POM121: variants seen among roughly 807,000 people sequenced by gnomAD.
The protein encoded by POM121 is POM121 transmembrane nucleoporin.
A neutral mutation model predicts 81.3 loss-of-function variants in POM121; 32 were observed. That is an observed-to-expected ratio of 0.39 (90% CI 0.30 to 0.53). The LOEUF is 0.53. Ranked by LOEUF, POM121 falls within the 20% of genes least tolerant of loss-of-function variation. The pLI is 0.66. For missense variants in POM121, 1,138 were observed against 1,614.6 expected, an observed-to-expected ratio of 0.70 and a Z score of 5.06; for synonymous variants, 514 against 694.2, an observed-to-expected ratio of 0.74 and a Z score of 4.08.
downstream of POM121, chr7:72,948,860 C>T: frequency 6.3e-7 from 1 of 1,591,488 alleles, no homozygotes; most frequent in South Asian, 1.1e-5. Flanking sequence ...CACCCCATCC[C>T]CCCCTCCACG....
chr7:72,950,212 C>A, downstream of POM121: 4 of 1,608,692 alleles, frequency 2.5e-6, no homozygotes, highest in Middle Eastern at 1.8e-4. Context: ...AGGGAAGAAC[C>A]ATTCATTCAT....
downstream of POM121, chr7:72,948,711 C>G: frequency 6.4e-7 from 1 of 1,568,684 alleles, no homozygotes; most frequent in Non-Finnish European, 8.8e-7. Flanking sequence ...AAGAAGCCAC[C>G]GCTAAGCGTG....
chr7:72,933,685 T>G (rs1796241357), intron 5 of POM121, among the ~76,000 whole-genome samples: 1 of 152,204 alleles, frequency 6.6e-6, no homozygotes, highest in African/African-American at 2.4e-5. Context: ...AAGAGATACA[T>G]GCACCCTTTG....
chr7:72,892,545 T>C (rs1554491053), intron 3 of POM121, among the ~76,000 whole-genome samples: 2 of 152,228 alleles, frequency 1.3e-5, no homozygotes, highest in African/African-American at 4.8e-5. Context: ...AGTGGATCCA[T>C]CTTCCATTCA....
chr7:72,921,016 A>G (rs1429399596), upstream of POM121, among the ~76,000 whole-genome samples: 5 of 152,072 alleles, frequency 3.3e-5, no homozygotes, highest in Non-Finnish European at 7.4e-5. Context: ...CCCAGTCTCT[A>G]CTAAAAATAC....
intron 1 of POM121, among the ~76,000 whole-genome samples, chr7:72,887,835 AAAAAACAAAAAC>A (rs1467037916): frequency 6.6e-6 from 1 of 152,206 alleles, no homozygotes; most frequent in South Asian, 2.1e-4. Flanking sequence ...CTCAAAAAAC[AAAAAACAAAAAC>A]AAAAACAAAA....
At chr7:72,907,399 A>G (rs1263956901) in intron 3 of POM121, among the ~76,000 whole-genome samples, 1 of 152,174 alleles carries the variant, frequency 6.6e-6, no homozygotes, top group African/African-American at 2.4e-5. Context: ...TTTTAAACTC[A>G]AGAAATTATA....
At position 72,943,156 on chromosome 7, in the gene POM121, C is replaced by A. The variant is rs782371304; in HGVS notation, c.3163C>A (p.Pro1055Thr). ...SAFGAPASSQ[P>T]AFGGSTAVFF... is the part of the protein sequence containing the mutation. ...CTTCGGCGCTCCCGCCAGCTCACAGCCCGCCTTTGGCGGCTCCACTGCTGT... is the reference window on the plus strand; with the variant it reads ...CTTCGGCGCTCCCGCCAGCTCACAGACCGCCTTTGGCGGCTCCACTGCTGT... The change falls in exon 11 of 13, where the codon CCC becomes ACC. Residue 1055 changes from proline to threonine, a missense_variant. Physicochemically the swap from Pro to Thr is conservative, Grantham distance 38. Coordinates refer to ENST00000434423, the MANE Select transcript of POM121 (RefSeq NM_001387691.1). 2.5e-6 allele frequency: 4 copies of A among 1,613,446 alleles called. No homozygotes were observed. The South Asian group carries it at 4.4e-5, about 18-fold the overall frequency.
intron 1 of POM121, among the ~76,000 whole-genome samples, chr7:72,886,330 C>T (rs1386068704): frequency 6.6e-6 from 1 of 152,112 alleles, no homozygotes; most frequent in African/African-American, 2.4e-5. Context: ...CCCACCATCA[C>T]GCCCGGCTAA....
rs185188286 is a variant in POM121 at position 72,919,977 on chromosome 7, T to G, written c.-152+6149T>G. ...TCCCAGCTGCCTTCAGGATTTGATCTATATCATTGGTTTTGAGCAATTTGA... is the reference window on the plus strand; with the variant it reads ...TCCCAGCTGCCTTCAGGATTTGATCGATATCATTGGTTTTGAGCAATTTGA... On this transcript the variant is annotated intron_variant, in intron 4 of 15. Transcript: ENST00000395270. Among the ~76,000 whole-genome samples the G allele has an allele frequency of 3.8e-3, 578 of 152,358 alleles. 3 individuals are homozygous for G. The highest frequency in any genetic ancestry group is 6.5e-3 in the Non-Finnish European group (445 of 68,034).
chr7:72,885,853 G>A (rs370646571), intron 1 of POM121, among the ~76,000 whole-genome samples: 2 of 150,850 alleles, frequency 1.3e-5, no homozygotes, highest in South Asian at 2.1e-4. Context: ...TTTTTAAAAT[G>A]TCTCTGTTTG....
At chr7:72,949,932 G>T (rs1554504434), downstream of POM121, 4 of 1,612,588 alleles carry the variant, frequency 2.5e-6, no homozygotes, top group Non-Finnish European at 2.5e-6. Context: ...CCTGGCGGGG[G>T]TCCAGCAGCA....
downstream of POM121, chr7:72,950,282 T>C (rs1797969030): frequency 8.9e-7 from 1 of 1,121,312 alleles, no homozygotes; most frequent in Non-Finnish European, 1.3e-6. Context: ...GCAACAAATG[T>C]TACCACAGCT....
downstream of POM121, chr7:72,948,864 C>A (rs782504255): frequency 1.3e-6 from 2 of 1,599,718 alleles, no homozygotes; most frequent in Non-Finnish European, 1.7e-6. Context: ...CCATCCCCCC[C>A]TCCACGACCC....
intron 5 of POM121, among the ~76,000 whole-genome samples, chr7:72,930,692 G>A (rs1795929506): frequency 6.6e-6 from 1 of 152,196 alleles, no homozygotes; most frequent in Admixed American, 6.5e-5. Context: ...GACAGACTTA[G>A]ATTCAAATCT....
intron 3 of POM121, among the ~76,000 whole-genome samples, chr7:72,910,329 GTTA>G (rs1304891389): frequency 1.3e-5 from 2 of 151,942 alleles, no homozygotes; most frequent in African/African-American, 4.8e-5. Context: ...TGTTCTTGGA[GTTA>G]TTATTAAACA....
chr7:72,926,760 A>G (rs1795488758), intron 2 of POM121, 42 bp from the exon 3 acceptor site: 1 of 1,603,506 alleles, frequency 6.2e-7, no homozygotes, highest in Non-Finnish European at 8.5e-7. Context: ...ATGGCATGGG[A>G]ATTAAAATAT....
At position 72,919,783 on chromosome 7, in the gene POM121, C is replaced by A. The variant is rs533641655; in HGVS notation, c.-152+5955C>A. ...TATGTGTCTGAAAATATCTTTATTT[C>A]ACTTCGCTAAAATATATTTTCATCA... On this transcript the variant is annotated intron_variant, in intron 4 of 15. Transcript: ENST00000395270. Among the ~76,000 whole-genome samples the A allele has an allele frequency of 9.8e-4, 149 of 152,252 alleles. 1 individual carries two copies. The highest frequency in any genetic ancestry group is 1.8e-4 in the Non-Finnish European group (12 of 68,020).
chr7:72,909,100 T>G (rs1280802112), intron 3 of POM121, among the ~76,000 whole-genome samples: 2 of 152,204 alleles, frequency 1.3e-5, no homozygotes, highest in African/African-American at 4.8e-5. Flanking sequence ...ATAAAAGTAT[T>G]AATTTAGGGA....
Sources: allele counts gnomAD v4.1 joint callset (sites outside exome capture counted in the v4.1 genomes callset), GRCh38; gene constraint gnomAD v4.1.1; transcripts MANE v1.5; gene names NCBI Gene and HGNC (gene_info 2026-07-23, HGNC 2026-07-21).